UGT1A10: variants seen among roughly 807,000 people sequenced by gnomAD.
UGT1A10 encodes the protein UDP glucuronosyltransferase family 1 member A10.
UGT1A10 carries 49 observed loss-of-function variants against 45.8 expected under a neutral mutation model. The observed-to-expected ratio is 1.07, with a 90% CI of 0.85 to 1.36. UGT1A10 has a LOEUF of 1.36. UGT1A10 is among the 40% of genes most tolerant of loss of function. The pLI, the probability that UGT1A10 is intolerant of heterozygous loss-of-function variation, is 0.00. For missense variants in UGT1A10, 745 were observed against 668.6 expected (o/e 1.11, Z -1.26); for synonymous variants, 284 against 249.7 (o/e 1.14, Z -1.29).
chr2:233,767,792 T>C (rs1011366406), intron 2 of UGT1A10, 57 bp from the exon 3 acceptor site: 6 of 1,614,068 alleles, frequency 3.7e-6, no homozygotes, highest in Non-Finnish European at 3.4e-6. Context: ...ATAGCAGATT[T>C]GTTTTCTAAT....
At chr2:233,714,348 G>T (rs1046988136) in intron 1 of UGT1A10, among the ~76,000 whole-genome samples, 3 of 152,216 alleles carry the variant, frequency 2.0e-5, no homozygotes, top group African/African-American at 7.2e-5. Flanking sequence ...AGAGGAAGTA[G>T]AGGTTTCAAA....
intron 1 of UGT1A10, chr2:233,729,250 C>T (rs749759024): frequency 1.9e-6 from 3 of 1,614,224 alleles, no homozygotes; most frequent in South Asian, 1.1e-5. Flanking sequence ...CAGCCACTGG[C>T]TCAGCATGCG....
Position 233,772,467 on chromosome 2 carries a change from T to C in UGT1A10, c.1501T>C (p.Phe501Leu), listed in dbSNP as rs761746377. Residue 501 changes from phenylalanine to leucine, a missense_variant, in exon 5 of 5, where the codon TTC becomes CTC. Transcript: ENST00000344644. ...FLLAVVLTVA[F>L]ITFKCCAYGY... is the part of the protein sequence containing the mutation. ...CTTGGCCGTCGTGCTGACAGTGGCC[T>C]TCATCACCTTTAAATGTTGTGCTTA... is the stretch of plus-strand genomic sequence containing the variant. 2 of 1,614,038 alleles carry C rather than the reference T, an allele frequency of 1.2e-6. No individual in the cohort carries two copies. The highest frequency in any genetic ancestry group is 1.3e-5 in the African/African-American group (1 of 74,916).
At chr2:233,715,263 C>T (rs1313325052) in intron 1 of UGT1A10, among the ~76,000 whole-genome samples, 2 of 152,196 alleles carry the variant, frequency 1.3e-5, no homozygotes, top group Non-Finnish European at 2.9e-5. Context: ...AATCCCCTTA[C>T]ATAACAAATT....
At chr2:233,718,615 G>A (rs2076668120) in intron 1 of UGT1A10, 1 of 856,316 alleles carries the variant, frequency 1.2e-6, no homozygotes, top group Non-Finnish European at 1.4e-6. Flanking sequence ...TTCAAGATAG[G>A]CGTGATTGGT....
intron 1 of UGT1A10, among the ~76,000 whole-genome samples, chr2:233,664,117 G>A (rs916274624): frequency 9.9e-5 from 15 of 152,250 alleles, no homozygotes; most frequent in African/African-American, 2.6e-4. Context: ...TTAAGGCATA[G>A]CAAGGGTGAC....
At chr2:233,710,412 T>C (rs946012708) in intron 1 of UGT1A10, among the ~76,000 whole-genome samples, 1 of 152,232 alleles carries the variant, frequency 6.6e-6, no homozygotes, top group African/African-American at 2.4e-5. Context: ...TGCTCTGTAT[T>C]TGTGCTAAGA....
chr2:233,747,025 G>A (rs1332207172), intron 1 of UGT1A10, among the ~76,000 whole-genome samples: 1 of 151,910 alleles, frequency 6.6e-6, no homozygotes. Flanking sequence ...GGTCTTTCCC[G>A]AAGTGGGACC....
Position 233,665,802 on chromosome 2 carries a change from A to G in UGT1A10, c.855+28425A>G, listed in dbSNP as rs570530832. 4.6e-5 allele frequency among the ~76,000 whole-genome samples: 7 copies of G among 152,332 alleles called. No individual in the cohort carries two copies. The South Asian group carries it at 1.0e-3, about 23-fold the overall frequency. ...TTTTATTCTTATGGATAAATACCCA[A>G]CAGTGGAGTAGTTGTGATCTATGGT... On this transcript the variant is annotated intron_variant, in intron 1 of 4. Transcript: ENST00000344644.
At chr2:233,754,387 G>C in intron 1 of UGT1A10, 1 of 304,284 alleles carries the variant, frequency 3.3e-6, no homozygotes, top group South Asian at 3.1e-5. Context: ...ACAAACAGAG[G>C]TCCTATCCGT....
At chr2:233,706,901 C>T (rs976577483) in intron 1 of UGT1A10, among the ~76,000 whole-genome samples, 2 of 152,168 alleles carry the variant, frequency 1.3e-5, no homozygotes, top group African/African-American at 4.8e-5. Flanking sequence ...AGGCATTTTA[C>T]AATCCTAGCT....
intron 1 of UGT1A10, chr2:233,690,986 G>A (rs2075024139): frequency 1.0e-6 from 1 of 994,958 alleles, no homozygotes; most frequent in Admixed American, 5.8e-5. Context: ...ACCCACATAT[G>A]AGCAACAGGA....
chr2:233,637,860 A>G (rs1470984876), intron 1 of UGT1A10, among the ~76,000 whole-genome samples: 1 of 152,200 alleles, frequency 6.6e-6, no homozygotes, highest in Non-Finnish European at 1.5e-5. Context: ...TTGCCAATAA[A>G]TTATGGGTAC....
intron 1 of UGT1A10, among the ~76,000 whole-genome samples, chr2:233,656,066 G>C (rs1280727425): frequency 1.3e-5 from 2 of 152,024 alleles, no homozygotes; most frequent in Non-Finnish European, 2.9e-5. Context: ...GAAGGGATGG[G>C]GTAGGAGCTT....
At chr2:233,768,006 T>C in intron 3 of UGT1A10, 70 bp downstream of exon 3, 1 of 1,614,080 alleles carries the variant, frequency 6.2e-7, no homozygotes, top group South Asian at 1.1e-5. Context: ...AGCACAGCTA[T>C]TCTAAAGGAT....
chr2:233,667,473 C>T (rs1461374974), intron 1 of UGT1A10, among the ~76,000 whole-genome samples: 2 of 152,160 alleles, frequency 1.3e-5, no homozygotes. Flanking sequence ...TAGGCATGGG[C>T]AAGGACTTCA....
At chr2:233,701,202 C>T (rs954560608) in intron 1 of UGT1A10, among the ~76,000 whole-genome samples, 3 of 152,090 alleles carry the variant, frequency 2.0e-5, no homozygotes, top group African/African-American at 7.2e-5. Context: ...GTCTTTATAG[C>T]AGCATTATTT....
chr2:233,664,467 A>C (rs2074035002), intron 1 of UGT1A10, among the ~76,000 whole-genome samples: 1 of 152,184 alleles, frequency 6.6e-6, no homozygotes, highest in Non-Finnish European at 1.5e-5. Flanking sequence ...TTATAAATAA[A>C]AGAGGTTTAA....
chr2:233,680,999 A>G (rs1458336513), intron 1 of UGT1A10, among the ~76,000 whole-genome samples: 2 of 152,074 alleles, frequency 1.3e-5, no homozygotes, highest in African/African-American at 2.4e-5. Flanking sequence ...ATCTCATTAC[A>G]GCATTTCAGA....
Sources: gnomAD v4.1 joint callset for allele counts (sites outside exome capture counted in the v4.1 genomes callset) on GRCh38, gnomAD v4.1.1 for gene constraint, MANE v1.5 for transcripts, NCBI Gene and HGNC (gene_info 2026-07-23, HGNC 2026-07-21) for gene names.